The following TSHR variants were observed in gnomAD, a reference collection of about 807,000 sequenced individuals.
TSHR encodes the protein thyroid stimulating hormone receptor.
A neutral mutation model predicts 64.1 loss-of-function variants in TSHR; 51 were observed. The observed-to-expected ratio is 0.80, with a 90% CI of 0.64 to 1.01. The LOEUF (loss-of-function observed/expected upper bound fraction) is 1.01, where lower values mean the gene tolerates loss of function less well. TSHR is among the 50% of genes least tolerant of loss of function. The pLI, the probability that TSHR is intolerant of heterozygous loss-of-function variation, is 0.00. For synonymous variants in TSHR, 361 were observed against 361.9 expected, an observed-to-expected ratio of 1.00 and a Z score of 0.03; for missense variants, 877 against 942.8, an observed-to-expected ratio of 0.93 and a Z score of 0.91.
intron 1 of TSHR, among the ~76,000 whole-genome samples, chr14:81,028,544 A>G (rs1461646392): frequency 1.3e-5 from 2 of 152,100 alleles, no homozygotes; most frequent in Admixed American, 1.3e-4. Flanking sequence ...AGCTGGAAAA[A>G]AAACTTGGGA....
At chr14:80,976,580 A>G (rs1437348189) in intron 1 of TSHR, among the ~76,000 whole-genome samples, 1 of 152,192 alleles carries the variant, frequency 6.6e-6, no homozygotes, top group Non-Finnish European at 1.5e-5. Flanking sequence ...TATAGTCACA[A>G]TTGAGCAAGT....
intron 1 of TSHR, among the ~76,000 whole-genome samples, chr14:80,988,895 AT>A (rs1421601579): frequency 6.6e-6 from 1 of 152,086 alleles, no homozygotes; most frequent in Non-Finnish European, 1.5e-5. Context: ...TTTTCTGTCT[AT>A]ATTTTCTTTC....
At chr14:81,090,470 G>A (rs1888635418) in intron 4 of TSHR, among the ~76,000 whole-genome samples, 1 of 152,116 alleles carries the variant, frequency 6.6e-6, no homozygotes, top group African/African-American at 2.4e-5. Flanking sequence ...TGAATTCCTG[G>A]ACTCAAGTGA....
chr14:81,012,633 C>T (rs1215271825), intron 1 of TSHR: 1 of 152,186 alleles, frequency 6.6e-6, no homozygotes, highest in African/African-American at 2.4e-5. Context: ...GATTGCCATT[C>T]TAACTGGTGT....
intron 1 of TSHR, among the ~76,000 whole-genome samples, chr14:81,042,612 G>T (rs751926107): frequency 1.3e-5 from 2 of 152,182 alleles, no homozygotes; most frequent in Non-Finnish European, 1.5e-5. Flanking sequence ...AGAGTGTAGG[G>T]AAGTGGTGAC....
intron 1 of TSHR, among the ~76,000 whole-genome samples, chr14:81,035,599 G>A (rs72689918): frequency 0.24 from 37,116 of 151,960 alleles, 4,635 homozygotes; most frequent in South Asian, 0.33. Flanking sequence ...CTTCACAGGG[G>A]AATAAATATT....
chr14:80,997,001 A>T (rs868486994), intron 1 of TSHR, among the ~76,000 whole-genome samples: 2 of 152,304 alleles, frequency 1.3e-5, no homozygotes, highest in South Asian at 2.1e-4. Flanking sequence ...TACTACTACT[A>T]CTACCACCAC....
At chr14:81,040,749 T>C (rs1350185411) in intron 1 of TSHR, among the ~76,000 whole-genome samples, 1 of 151,980 alleles carries the variant, frequency 6.6e-6, no homozygotes, top group Non-Finnish European at 1.5e-5. Flanking sequence ...GGGAGAAAAT[T>C]TTTGCAAATT....
intron 3 of TSHR, among the ~76,000 whole-genome samples, chr14:81,086,420 G>GT (rs1221374102): frequency 1.3e-5 from 2 of 152,108 alleles, no homozygotes; most frequent in Non-Finnish European, 2.9e-5. Flanking sequence ...AAACCAGAGA[G>GT]TTTTTTCTAA....
At chr14:80,972,738 A>T (rs1887644903) in intron 1 of TSHR, among the ~76,000 whole-genome samples, 1 of 152,106 alleles carries the variant, frequency 6.6e-6, no homozygotes, top group African/African-American at 2.4e-5. Context: ...CTCAAAGGGG[A>T]GCTCGTGCCG....
rs1169129345 is a variant in TSHR, at chr14:81,146,257, T to G, written c.*1904T>G. On this transcript the variant is annotated 3_prime_UTR_variant, in exon 10 of 10. Transcript: ENST00000298171. ...CTTCAACAGAATTGTTACTAAAATTTGCACTCACAACATGAAATAAATTTT... is the reference window on the plus strand; with the variant it reads ...CTTCAACAGAATTGTTACTAAAATTGGCACTCACAACATGAAATAAATTTT... 1 of 204,980 alleles carries G rather than the reference T, an allele frequency of 4.9e-6. No homozygotes were observed. Among genetic ancestry groups the G allele is most frequent in the Non-Finnish European group, 1.0e-5 (1 of 100,162 alleles). The allele number at this position is 204,980 out of a possible 1,614,324, so 12.7% of individuals were successfully genotyped here. A position where few individuals can be genotyped will look rare whatever the true frequency, so the allele number is the denominator to read the frequency against.
intron 1 of TSHR, among the ~76,000 whole-genome samples, chr14:81,007,232 A>C (rs1216762087): frequency 6.6e-6 from 1 of 152,160 alleles, no homozygotes; most frequent in Non-Finnish European, 1.5e-5. Context: ...TTATACTGAC[A>C]CCTTGATCTT....
Position 81,143,634 on chromosome 14 carries a change from G to T in TSHR, c.1576G>T (p.Ala526Ser). Residue 526 changes from alanine (A) to serine (S), a missense_variant, in exon 10 of 10, where the codon GCC (alanine) becomes TCC (serine). Physicochemically the swap from Ala to Ser is moderately conservative, Grantham distance 99. Transcript: ENST00000298171. ...TLERWYAITF[A>S]MRLDRKIRLR... Reference sequence around the variant, plus strand: ...GGAGCGCTGGTATGCCATCACCTTCGCCATGCGCCTGGACCGGAAGATCCG... The same window carrying T: ...GGAGCGCTGGTATGCCATCACCTTCTCCATGCGCCTGGACCGGAAGATCCG... The T allele has an allele frequency of 1.2e-6, 2 of 1,613,888 alleles. No homozygotes were observed. Among genetic ancestry groups the T allele is most frequent in the Non-Finnish European group, 1.7e-6 (2 of 1,180,010 alleles).
chr14:81,125,159 C>A (rs1198421653), intron 8 of TSHR, among the ~76,000 whole-genome samples: 2 of 152,026 alleles, frequency 1.3e-5, no homozygotes, highest in African/African-American at 4.8e-5. Flanking sequence ...ACTGAACATG[C>A]CATTTCTAGT....
At chr14:81,053,121 T>C (rs1885528298) in intron 1 of TSHR, 1 of 152,174 alleles carries the variant, frequency 6.6e-6, no homozygotes, top group Non-Finnish European at 1.5e-5. Context: ...GTATAAATTC[T>C]GGTTTGAATC....
intron 1 of TSHR, chr14:80,983,194 A>C: frequency 8.4e-7 from 1 of 1,190,610 alleles, no homozygotes; most frequent in East Asian, 2.4e-5. Context: ...AGACAATGCA[A>C]AATTGAATTA....
At chr14:81,102,176 A>G (rs76009115) in intron 7 of TSHR, among the ~76,000 whole-genome samples, 17 of 119,166 alleles carry the variant, frequency 1.4e-4, no homozygotes, top group African/African-American at 5.4e-4. Flanking sequence ...CATCTCAGGG[A>G]AAAAAAAAAA....
At chr14:81,048,235 T>C (rs1379605871) in intron 1 of TSHR, among the ~76,000 whole-genome samples, 1 of 152,142 alleles carries the variant, frequency 6.6e-6, no homozygotes, top group Non-Finnish European at 1.5e-5. Context: ...ACAGAAGCCT[T>C]CAGGTCTCAG....
At chr14:80,968,377 A>C (rs938332022) in intron 1 of TSHR, among the ~76,000 whole-genome samples, 1 of 148,566 alleles carries the variant, frequency 6.7e-6, no homozygotes, top group Admixed American at 6.6e-5. Flanking sequence ...AGATGTCCTT[A>C]CTTTTTTTTT....
Sources: gnomAD v4.1 joint callset for allele counts (sites outside exome capture counted in the v4.1 genomes callset) on GRCh38, gnomAD v4.1.1 for gene constraint, MANE v1.5 for transcripts, NCBI Gene and HGNC (gene_info 2026-07-23, HGNC 2026-07-21) for gene names.